The following WWOX variants were observed in gnomAD, a reference collection of about 807,000 sequenced individuals.
WWOX encodes WW domain-containing oxidoreductase.
WWOX carries 69 observed loss-of-function variants against 46.2 expected under a neutral mutation model. That is an observed-to-expected ratio of 1.49 (90% CI 1.23 to 1.82). The LOEUF (loss-of-function observed/expected upper bound fraction) is 1.82, where lower values mean the gene tolerates loss of function less well. WWOX is among the 40% of genes most tolerant of loss of function. The pLI, the probability that WWOX is intolerant of heterozygous loss-of-function variation, is 0.00. For synonymous variants in WWOX, 359 were observed against 202.6 expected (o/e 1.77, Z -6.56); for missense variants, 919 against 542.6 (o/e 1.69, Z -6.89).
At chr16:78,328,396 C>T (rs1004586780) in intron 5 of WWOX, among the ~76,000 whole-genome samples, 4 of 152,140 alleles carry the variant, frequency 2.6e-5, no homozygotes. Context: ...TAGAATCCTT[C>T]AACACATACT....
intron 8 of WWOX, among the ~76,000 whole-genome samples, chr16:79,088,145 C>G (rs1227935200): frequency 2.0e-5 from 3 of 152,182 alleles, no homozygotes; most frequent in Non-Finnish European, 4.4e-5. Flanking sequence ...ATAGAAGCAT[C>G]TCATCTCCCC....
chr16:78,827,224 C>T (rs544440610), intron 8 of WWOX, among the ~76,000 whole-genome samples: 1 of 152,324 alleles, frequency 6.6e-6, no homozygotes, highest in East Asian at 1.9e-4. Flanking sequence ...GGCTGATCCT[C>T]TAAGACAGTG....
intron 8 of WWOX, among the ~76,000 whole-genome samples, chr16:78,786,021 C>G (rs896256449): frequency 2.0e-5 from 3 of 152,190 alleles, no homozygotes; most frequent in African/African-American, 4.8e-5. Flanking sequence ...ATTCTCATGG[C>G]TTAGCCTCCT....
intron 8 of WWOX, among the ~76,000 whole-genome samples, chr16:79,136,901 C>T (rs1428127953): frequency 6.6e-6 from 1 of 152,196 alleles, no homozygotes; most frequent in Non-Finnish European, 1.5e-5. Flanking sequence ...ACTGTCCAAC[C>T]TGCAGGAGGC....
chr16:78,557,862 A>C (rs1487453041), intron 8 of WWOX, among the ~76,000 whole-genome samples: 1 of 151,678 alleles, frequency 6.6e-6, no homozygotes, highest in Non-Finnish European at 1.5e-5. Context: ...TACCCAGCTA[A>C]TTTTTGTATT....
intron 8 of WWOX, among the ~76,000 whole-genome samples, chr16:79,172,814 C>G (rs964304079): frequency 1.3e-5 from 2 of 151,524 alleles, no homozygotes; most frequent in Non-Finnish European, 2.9e-5. Flanking sequence ...TCACTTGAGC[C>G]TAGAAGTTTG....
At chr16:79,141,925 T>C (rs756746615) in intron 8 of WWOX, among the ~76,000 whole-genome samples, 11 of 152,118 alleles carry the variant, frequency 7.2e-5, no homozygotes, top group Admixed American at 2.6e-4. Flanking sequence ...TTAGTATGAC[T>C]CTCCAGTGCT....
At chr16:79,199,630 A>G (rs1445176742) in intron 8 of WWOX, among the ~76,000 whole-genome samples, 1 of 152,150 alleles carries the variant, frequency 6.6e-6, no homozygotes, top group Non-Finnish European at 1.5e-5. Flanking sequence ...CCACCTTGCC[A>G]CCTAGAACAT....
intron 8 of WWOX, among the ~76,000 whole-genome samples, chr16:78,485,753 C>G (rs1455462215): frequency 6.6e-6 from 1 of 152,184 alleles, no homozygotes; most frequent in African/African-American, 2.4e-5. Flanking sequence ...CGCGGAGCCG[C>G]TTTTCCAAGG....
intron 8 of WWOX, among the ~76,000 whole-genome samples, chr16:79,178,529 C>G (rs1214416536): frequency 6.6e-6 from 1 of 152,126 alleles, no homozygotes; most frequent in East Asian, 1.9e-4. Flanking sequence ...GTTGTCCAGG[C>G]TGGTCTCAAA....
At chr16:78,768,728 C>T (rs190439972) in intron 8 of WWOX, among the ~76,000 whole-genome samples, 6 of 152,096 alleles carry the variant, frequency 3.9e-5, no homozygotes, top group Non-Finnish European at 7.4e-5. Context: ...TTTTAATTAT[C>T]GGCGTGTTTT....
intron 8 of WWOX, among the ~76,000 whole-genome samples, chr16:78,563,456 G>A (rs942944344): frequency 6.8e-6 from 1 of 147,644 alleles, no homozygotes; most frequent in Non-Finnish European, 1.5e-5. Context: ...TCCAAAGATA[G>A]TATGTGTTCA....
intron 5 of WWOX, among the ~76,000 whole-genome samples, chr16:78,344,620 G>A (rs189097002): frequency 2.5e-5 from 3 of 121,470 alleles, no homozygotes; most frequent in Admixed American, 2.4e-4. Flanking sequence ...GATACTGGCT[G>A]TACAGAAGGG....
intron 8 of WWOX, among the ~76,000 whole-genome samples, chr16:78,530,954 AAGTT>A (rs2043607064): frequency 6.6e-6 from 1 of 152,218 alleles, no homozygotes; most frequent in African/African-American, 2.4e-5. Context: ...GGGATGAAAA[AAGTT>A]AGGCTCTGAG....
chr16:78,156,662 G>A (rs1018847759), intron 4 of WWOX, among the ~76,000 whole-genome samples: 2 of 152,164 alleles, frequency 1.3e-5, no homozygotes, highest in Admixed American at 6.5e-5. Flanking sequence ...GGTGGCTCAC[G>A]CCTGTAATCC....
chr16:78,556,967 C>T (rs1317584223), intron 8 of WWOX, among the ~76,000 whole-genome samples: 1 of 152,098 alleles, frequency 6.6e-6, no homozygotes, highest in Non-Finnish European at 1.5e-5. Flanking sequence ...GATTCACCCA[C>T]CTCAGCCTCC....
chr16:78,859,001 TAAAAA>T (rs542176032), intron 8 of WWOX, among the ~76,000 whole-genome samples: 8 of 44,314 alleles, frequency 1.8e-4, no homozygotes, highest in African/African-American at 3.0e-4. Context: ...TTTTGAAATT[TAAAAA>T]AAAAAAAAAA....
At chr16:78,455,653 A>G (rs957578168) in intron 8 of WWOX, among the ~76,000 whole-genome samples, 210 of 150,364 alleles carry the variant, frequency 1.4e-3, no homozygotes, top group Non-Finnish European at 2.7e-3. Flanking sequence ...CAAAAAAAAA[A>G]AAAAAAAAAA....
chr16:78,424,886 G>A lies in WWOX; in HGVS notation c.622G>A (p.Val208Met). The part of the protein sequence containing the change: ...KAKNVPLHVL[V>M]CNAATFALPW... ...ATTTTTCAGGCCTCTTCATGTGCTTGTGTGCAACGCAGCAACTTTTGCTCT... is the reference window on the plus strand; with the variant it reads ...ATTTTTCAGGCCTCTTCATGTGCTTATGTGCAACGCAGCAACTTTTGCTCT... Residue 208 changes from valine to methionine, a missense_variant, in exon 7 of 9, where the codon GTG (valine) becomes ATG (methionine). Transcript: ENST00000566780. The A allele has an allele frequency of 6.2e-7, 1 of 1,614,130 alleles. No individual in the cohort carries two copies. Among genetic ancestry groups the A allele is most frequent in the Non-Finnish European group, 8.5e-7 (1 of 1,180,024 alleles).
Sources: gnomAD v4.1 joint callset for allele counts (sites outside exome capture counted in the v4.1 genomes callset) on GRCh38, gnomAD v4.1.1 for gene constraint, MANE v1.5 for transcripts, NCBI Gene and HGNC (gene_info 2026-07-23, HGNC 2026-07-21) for gene names.